Variants in MDN1 observed in about 807,000 individuals in gnomAD.
The protein encoded by MDN1 is midasin.
A neutral mutation model predicts 669.2 loss-of-function variants in MDN1; 266 were observed. The observed-to-expected ratio is 0.40, with a 90% confidence interval of 0.36 to 0.44. The LOEUF is 0.44. Among genes scored for constraint, MDN1 ranks in the 20% least tolerant of loss-of-function variants. The pLI, the probability that MDN1 is intolerant of heterozygous loss-of-function variation, is 1.00. For synonymous variants in MDN1, 2,385 were observed against 2,457.1 expected, an observed-to-expected ratio of 0.97 and a Z score of 0.87; for missense variants, 5,940 against 6,754.0, an observed-to-expected ratio of 0.88 and a Z score of 4.22.
At chr6:89,775,206 A>G (rs1488589885) in intron 12 of MDN1, among the ~76,000 whole-genome samples, 1 of 152,188 alleles carries the variant, frequency 6.6e-6, no homozygotes, top group African/African-American at 2.4e-5. Context: ...TCCAAAGAAC[A>G]CAGATTTTGT....
In MDN1 at chr6:89,687,373, C is replaced by G. The variant is rs138233752; in HGVS notation, c.11421G>C (p.Met3807Ile). 1 of 1,614,124 alleles carries G rather than the reference C, an allele frequency of 6.2e-7. No homozygotes were observed. Among genetic ancestry groups the G allele is most frequent in the South Asian group, 1.1e-5 (1 of 91,076 alleles). Residue 3807 changes from methionine (M) to isoleucine (I), a missense_variant, in exon 68 of 102, where the codon ATG (methionine) becomes ATC (isoleucine). This residue lies in a region of MDN1 where 2,280 missense variants were observed against 2,576.3 expected (regional missense o/e 0.88). Coordinates refer to ENST00000369393, the MANE Select transcript of MDN1 (RefSeq NM_014611.3). ...LRKHLDLISQ[M>I]IIRWRKLELN... ...GCTCCAGTTTACGCCACCGAATGAT[C>G]ATCTGACTGATCAAATCAAGATGTT...
chr6:89,814,111 C>G (rs372271619), intron 1 of MDN1, among the ~76,000 whole-genome samples: 29 of 152,114 alleles, frequency 1.9e-4, no homozygotes, highest in African/African-American at 6.7e-4. Context: ...TCTAAGCCCC[C>G]CCAACCAACT....
chr6:89,709,403 A>C (rs1813732199), intron 50 of MDN1, among the ~76,000 whole-genome samples: 1 of 152,230 alleles, frequency 6.6e-6, no homozygotes, highest in Non-Finnish European at 1.5e-5. Flanking sequence ...AAAACTGAAA[A>C]GGACAGTTGG....
chr6:89,764,299 T>C (rs1562194679), intron 15 of MDN1, among the ~76,000 whole-genome samples: 1 of 152,230 alleles, frequency 6.6e-6, no homozygotes, highest in East Asian at 1.9e-4. Context: ...CTGTGTAGCT[T>C]ACAATCAAAT....
Position 89,751,435 on chromosome 6 carries a change from C to T in MDN1, c.3223G>A (p.Ala1075Thr), listed in dbSNP as rs762256034. Residue 1075 changes from alanine (A) to threonine (T), a missense_variant, in exon 23 of 102, where the codon GCA becomes ACA. By Grantham distance (58) the Ala-to-Thr change is moderately conservative. Around this residue, in one of 5 missense-constraint regions of MDN1, gnomAD observed 15 missense variants for 36.2 expected, o/e 0.41. Coordinates refer to ENST00000369393, the MANE Select transcript of MDN1 (RefSeq NM_014611.3). ...GCGAGAAAAAAGCCCACACACCCTG[C>T]AGAGACAACTCGGACTATATCTCTC... Reference protein sequence around the residue: ...NLRDIVRVVSAGTYPVLIQGE... With the variant: ...NLRDIVRVVSTGTYPVLIQGE... The T allele has an allele frequency of 6.2e-7, 1 of 1,614,146 alleles. No individual in the cohort carries two copies.
chr6:89,775,670 CT>C (rs547187251), intron 12 of MDN1, among the ~76,000 whole-genome samples: 8 of 149,366 alleles, frequency 5.4e-5, no homozygotes, highest in Middle Eastern at 3.4e-3. Flanking sequence ...CTCTTTGCAA[CT>C]TTTTTTTTTG....
intron 88 of MDN1, among the ~76,000 whole-genome samples, chr6:89,659,761 GA>G (rs1809588819): frequency 6.6e-6 from 1 of 152,142 alleles, no homozygotes; most frequent in Non-Finnish European, 1.5e-5. Flanking sequence ...ATCATATACA[GA>G]AAATACAACT....
chr6:89,652,979 T>G lies in MDN1; in HGVS notation c.15825+13A>C. 1 of 1,609,032 alleles carries G rather than the reference T, an allele frequency of 6.2e-7. No individual in the cohort carries two copies. The highest frequency in any genetic ancestry group is 1.1e-5 in the South Asian group (1 of 89,832). On this transcript the variant is annotated intron_variant, in intron 94 of 101. Coordinates refer to ENST00000369393, the MANE Select transcript of MDN1 (RefSeq NM_014611.3). ...AACACTATATTAATGCAGTAATTTG[T>G]GAGTTTTACTACCTGGAAGATCGTG...
chr6:89,672,717 G>A lies in MDN1; in HGVS notation c.13475-15C>T. ...CATTTGATTTCCTAGCAGGTAACATGGTGCAAAACAAACATACAAACAAAA... is the reference window on the plus strand; with the variant it reads ...CATTTGATTTCCTAGCAGGTAACATAGTGCAAAACAAACATACAAACAAAA... On this transcript the variant is annotated splice_polypyrimidine_tract_variant and intron_variant, in intron 80 of 101. Coordinates refer to ENST00000369393, the MANE Select transcript of MDN1 (RefSeq NM_014611.3). 6.2e-7 allele frequency: 1 copy of A among 1,610,776 alleles called. No homozygotes were observed. The highest frequency in any genetic ancestry group is 8.5e-7 in the Non-Finnish European group (1 of 1,178,820).
chr6:89,688,250 A>C, intron 66 of MDN1, 77 bp from the exon 67 acceptor site: 1 of 1,295,356 alleles, frequency 7.7e-7, no homozygotes, highest in South Asian at 1.2e-5. Flanking sequence ...GAGAGTCCTG[A>C]CCAGAAGATT....
chr6:89,732,320 C>A (rs1264717798), intron 34 of MDN1, among the ~76,000 whole-genome samples: 1 of 151,238 alleles, frequency 6.6e-6, no homozygotes, highest in African/African-American at 2.4e-5. Flanking sequence ...TTACTCTACT[C>A]ATAATCACCA....
intron 34 of MDN1, among the ~76,000 whole-genome samples, chr6:89,731,199 C>A (rs1442770173): frequency 6.6e-6 from 1 of 152,178 alleles, no homozygotes; most frequent in African/African-American, 2.4e-5. Flanking sequence ...GCACTAGTAA[C>A]CATTTTTATT....
intron 64 of MDN1, 32 bp from the exon 65 acceptor site, chr6:89,690,175 A>C: frequency 2.5e-6 from 4 of 1,600,454 alleles, no homozygotes; most frequent in Non-Finnish European, 3.4e-6. Flanking sequence ...TTGAACTTTT[A>C]AAAATCAGAA....
intron 40 of MDN1, among the ~76,000 whole-genome samples, chr6:89,720,242 T>C (rs1814719636): frequency 6.6e-6 from 1 of 151,988 alleles, no homozygotes; most frequent in African/African-American, 2.4e-5. Flanking sequence ...CACACTAAAG[T>C]ATATAATCTC....
chr6:89,649,373 A>T (rs1056652417), intron 97 of MDN1, among the ~76,000 whole-genome samples: 1 of 152,244 alleles, frequency 6.6e-6, no homozygotes, highest in African/African-American at 2.4e-5. Flanking sequence ...TAATAAATGG[A>T]GCTGGGATAT....
intron 1 of MDN1, among the ~76,000 whole-genome samples, chr6:89,805,144 T>C (rs1767935190): frequency 1.3e-5 from 2 of 151,630 alleles, no homozygotes; most frequent in East Asian, 1.9e-4. Flanking sequence ...CTAGTGTGTA[T>C]ACAGGTCTGC....
rs754429324 is a variant in MDN1 at position 89,776,609 on chromosome 6, A to G, written c.1812T>C (p.Ser604=). ...AEVIGSKLNI[S]RKKAEFFCQL... Reference sequence around the variant, plus strand: ...AAAACAGCACACATACCTTTTTTCTAGAAATGTTCAATTTGCTTCCAATAA... The same window carrying G: ...AAAACAGCACACATACCTTTTTTCTGGAAATGTTCAATTTGCTTCCAATAA... The change falls in exon 12 of 102, where the codon TCT becomes TCC. Residue 604 remains serine (S), a synonymous_variant. Transcript: ENST00000369393. 10 of 1,606,332 alleles carry G rather than the reference A, an allele frequency of 6.2e-6. No homozygotes were observed. The Admixed American group carries it at 1.4e-4, about 22-fold the overall frequency.
intron 11 of MDN1, among the ~76,000 whole-genome samples, chr6:89,776,943 A>C (rs1274713660): frequency 6.6e-6 from 1 of 152,132 alleles, no homozygotes; most frequent in Non-Finnish European, 1.5e-5. Context: ...ACAAACAACA[A>C]AACACCCCAC....
intron 1 of MDN1, among the ~76,000 whole-genome samples, chr6:89,806,752 A>C (rs945717220): frequency 6.6e-6 from 1 of 151,082 alleles, no homozygotes; most frequent in Non-Finnish European, 1.5e-5. Context: ...AAGCTTAATT[A>C]AAAAATTTTT....
Sources: allele counts gnomAD v4.1 joint callset (sites outside exome capture counted in the v4.1 genomes callset), GRCh38; gene constraint gnomAD v4.1.1; regional missense constraint gnomAD v4.1.1; transcripts MANE v1.5; gene names NCBI Gene and HGNC (gene_info 2026-07-23, HGNC 2026-07-21).